EFCAB11: variants seen among roughly 807,000 people sequenced by gnomAD.
The protein encoded by EFCAB11 is EF-hand calcium binding domain 11.
A neutral mutation model predicts 23.0 loss-of-function variants in EFCAB11; 14 were observed. The ratio of observed to expected loss-of-function variants is 0.61; its 90% CI spans 0.40 to 0.95. The LOEUF (loss-of-function observed/expected upper bound fraction) is 0.95, where lower values mean the gene tolerates loss of function less well. EFCAB11 is among the 40% of genes least tolerant of loss of function. EFCAB11 has a pLI of 0.00. For missense variants in EFCAB11, 198 were observed against 195.8 expected (o/e 1.01, Z -0.07); for synonymous variants, 65 against 66.6 (o/e 0.98, Z 0.11).
intron 5 of EFCAB11, among the ~76,000 whole-genome samples, chr14:89,850,848 G>C (rs1044975681): frequency 2.0e-5 from 3 of 152,226 alleles, no homozygotes; most frequent in Admixed American, 6.5e-5. Context: ...TAGTTGGTTA[G>C]TGGCTTCTTG....
At chr14:89,917,328 G>C (rs1229870609) in intron 5 of EFCAB11, among the ~76,000 whole-genome samples, 1 of 152,080 alleles carries the variant, frequency 6.6e-6, no homozygotes, top group African/African-American at 2.4e-5. Context: ...TCACATATAA[G>C]TAATATCATG....
At chr14:89,904,139 C>G (rs561853615) in intron 5 of EFCAB11, among the ~76,000 whole-genome samples, 1 of 152,188 alleles carries the variant, frequency 6.6e-6, no homozygotes, top group Non-Finnish European at 1.5e-5. Context: ...CACCCTACCC[C>G]CTGACCGGCC....
Position 89,856,744 on chromosome 14 carries a change from G to A in EFCAB11, c.411-59420C>T, listed in dbSNP as rs527945864. 3.9e-5 allele frequency among the ~76,000 whole-genome samples: 6 copies of A among 152,266 alleles called. No homozygotes were observed. The East Asian group carries it at 1.2e-3, about 29-fold the overall frequency. ...ATTTTTATGTCTTCTTTGGAGAAAT[G>A]TCTATTTAGGACCTTTGCCCATTTT... On this transcript the variant is annotated intron_variant, in intron 5 of 5. Coordinates refer to ENST00000316738, the MANE Select transcript of EFCAB11 (RefSeq NM_145231.4).
intron 5 of EFCAB11, among the ~76,000 whole-genome samples, chr14:89,805,197 A>G (rs1407755765): frequency 1.3e-5 from 2 of 152,122 alleles, no homozygotes; most frequent in African/African-American, 4.8e-5. Flanking sequence ...GTCTTCCCCA[A>G]CTTCCATCTT....
intron 3 of EFCAB11, among the ~76,000 whole-genome samples, chr14:89,932,856 A>G (rs1890443832): frequency 6.6e-6 from 1 of 152,244 alleles, no homozygotes; most frequent in Non-Finnish European, 1.5e-5. Flanking sequence ...TGAAAACACA[A>G]GACACTTTTA....
At chr14:89,945,924 T>G (rs540219551) in intron 3 of EFCAB11, among the ~76,000 whole-genome samples, 3 of 147,612 alleles carry the variant, frequency 2.0e-5, no homozygotes, top group Non-Finnish European at 2.9e-5. Context: ...TTTTTTTTTT[T>G]ATTTTTTTTT....
chr14:89,860,851 T>C (rs1437033089), intron 5 of EFCAB11, among the ~76,000 whole-genome samples: 2 of 152,180 alleles, frequency 1.3e-5, no homozygotes, highest in African/African-American at 2.4e-5. Flanking sequence ...AGTTAAGGAG[T>C]AAATTTCCTT....
At chr14:89,944,540 T>A (rs1157725990) in intron 3 of EFCAB11, among the ~76,000 whole-genome samples, 1 of 152,084 alleles carries the variant, frequency 6.6e-6, no homozygotes, top group East Asian at 1.9e-4. Context: ...GAAAGAGAAA[T>A]CCTATCAATG....
chr14:89,950,423 T>C (rs904222557), intron 2 of EFCAB11, among the ~76,000 whole-genome samples: 3 of 152,224 alleles, frequency 2.0e-5, no homozygotes, highest in African/African-American at 7.2e-5. Flanking sequence ...GGCTGTCCCA[T>C]ATATAATATA....
rs1228495387 is a variant in EFCAB11, at chr14:89,858,700, A to G, written c.411-61376T>C. Among the ~76,000 whole-genome samples, 5 of 111,966 alleles carry G rather than the reference A, an allele frequency of 4.5e-5. No homozygotes were observed. In the East Asian group the frequency reaches 1.2e-3, roughly 28 times the overall value. The allele number at this position is 111,966 out of a possible 152,430, so 73.5% of individuals were successfully genotyped here. ...TTTTTTGTAGAGGCAGGGTCTCCCT[A>G]TGTTGCCCAGGCTGGTCTCCAACTT... is the stretch of plus-strand genomic sequence containing the variant. On this transcript the variant is annotated intron_variant, in intron 5 of 5. Coordinates refer to ENST00000316738, the MANE Select transcript of EFCAB11 (RefSeq NM_145231.4).
intron 5 of EFCAB11, among the ~76,000 whole-genome samples, chr14:89,910,460 T>C (rs1889641858): frequency 1.3e-5 from 2 of 152,038 alleles, no homozygotes; most frequent in African/African-American, 4.8e-5. Flanking sequence ...TTGCTGGGTG[T>C]GATGGCGGGC....
At chr14:89,809,111 C>T (rs1371976478) in intron 5 of EFCAB11, among the ~76,000 whole-genome samples, 2 of 152,170 alleles carry the variant, frequency 1.3e-5, no homozygotes, top group Admixed American at 6.5e-5. Flanking sequence ...CCTCATTCCC[C>T]GACCCTGTCC....
At position 89,865,112 on chromosome 14, in the gene EFCAB11, C is replaced by T. The variant is rs572656215; in HGVS notation, c.410+66429G>A. On this transcript the variant is annotated intron_variant, in intron 5 of 5. Coordinates refer to ENST00000316738, the MANE Select transcript of EFCAB11 (RefSeq NM_145231.4). ...GAGCCGCTGCAGTCAGTGCTGCATC[C>T]TTGGTGGGAGTCAGTCCAAGATCAC... Among the ~76,000 whole-genome samples, 90 of 152,286 alleles carry T rather than the reference C, an allele frequency of 5.9e-4. 1 individual carries two copies. Among genetic ancestry groups the T allele is most frequent in the African/African-American group, 2.1e-3 (87 of 41,562 alleles).
chr14:89,812,259 A>G (rs192355392), intron 5 of EFCAB11, among the ~76,000 whole-genome samples: 2 of 152,352 alleles, frequency 1.3e-5, no homozygotes, highest in African/African-American at 4.8e-5. Flanking sequence ...AATGTGTTGA[A>G]TTTATATAAA....
intron 5 of EFCAB11, among the ~76,000 whole-genome samples, chr14:89,876,489 TA>T (rs1035388844): frequency 6.6e-6 from 1 of 152,116 alleles, no homozygotes; most frequent in African/African-American, 2.4e-5. Flanking sequence ...AGATGTGTTT[TA>T]AAAAAAGTAA....
intron 5 of EFCAB11, among the ~76,000 whole-genome samples, chr14:89,928,202 A>C (rs991467458): frequency 6.6e-6 from 1 of 152,216 alleles, no homozygotes; most frequent in African/African-American, 2.4e-5. Context: ...TATACTCCAC[A>C]ACATGAATAT....
At position 89,932,628 on chromosome 14, in the gene EFCAB11, C is replaced by T; in HGVS notation, c.218-1G>A. On this transcript the variant is annotated splice_acceptor_variant, in intron 3 of 5. Coordinates refer to ENST00000316738, the MANE Select transcript of EFCAB11 (RefSeq NM_145231.4). LOFTEE classifies it high-confidence loss of function. ...TTTAAAAACCCCTCGAGTAATATACCTAAAAGTTGGGGAAAAAACAATTTG... is the reference window on the plus strand; with the variant it reads ...TTTAAAAACCCCTCGAGTAATATACTTAAAAGTTGGGGAAAAAACAATTTG... The T allele has an allele frequency of 6.2e-7, 1 of 1,610,800 alleles. No individual in the cohort carries two copies. Among genetic ancestry groups the T allele is most frequent in the Non-Finnish European group, 8.5e-7 (1 of 1,177,970 alleles).
At chr14:89,951,160 C>A (rs1891150360) in intron 2 of EFCAB11, among the ~76,000 whole-genome samples, 1 of 152,176 alleles carries the variant, frequency 6.6e-6, no homozygotes, top group African/African-American at 2.4e-5. Flanking sequence ...AGTGAATGCA[C>A]CTGGAATGCT....
At chr14:89,818,117 T>TA (rs1566770088) in intron 5 of EFCAB11, among the ~76,000 whole-genome samples, 1 of 152,176 alleles carries the variant, frequency 6.6e-6, no homozygotes, top group Non-Finnish European at 1.5e-5. Context: ...TGTTGACATC[T>TA]ACAATACATG....
Sources: allele counts gnomAD v4.1 joint callset (sites outside exome capture counted in the v4.1 genomes callset), GRCh38; gene constraint gnomAD v4.1.1; transcripts MANE v1.5; gene names NCBI Gene and HGNC (gene_info 2026-07-23, HGNC 2026-07-21).